Variants in ATP13A2 observed in about 807,000 individuals in gnomAD.
ATP13A2 encodes the protein polyamine-transporting ATPase 13A2.
In ATP13A2, 83 loss-of-function variants were observed where a neutral mutation model predicts 138.3. The observed-to-expected ratio is 0.60, with a 90% CI of 0.50 to 0.72. ATP13A2 has a LOEUF of 0.72. Ranked by LOEUF, ATP13A2 falls within the 30% of genes least tolerant of loss-of-function variation. The pLI, the probability that ATP13A2 is intolerant of heterozygous loss-of-function variation, is 0.00. For missense variants in ATP13A2, 1,402 were observed against 1,606.4 expected (o/e 0.87, Z 2.17); for synonymous variants, 663 against 699.0 (o/e 0.95, Z 0.81).
chr1:17,011,837 CG>C lies in ATP13A2; in HGVS notation c.-100del. On this transcript the variant is annotated 5_prime_UTR_variant, in exon 1 of 29. Transcript: ENST00000326735. This position sits in a 1 kb window ranked among gnomAD's most constrained non-coding sequence, Gnocchi z 7.3. ...GGGCGGGGGCGCGGTCCGGACGGCC[CG>C]GGGCGAGGGGCGCTGGGCTAGCGCG... 1 of 1,061,292 alleles carries C rather than the reference CG, an allele frequency of 9.4e-7. No individual in the cohort carries two copies. The highest frequency in any genetic ancestry group is 1.1e-6 in the Non-Finnish European group (1 of 877,332). 65.7% of individuals were successfully genotyped at this position (1,061,292 alleles called of 1,614,324 possible).
At chr1:17,001,183 C>A (rs1182557816) in intron 8 of ATP13A2, among the ~76,000 whole-genome samples, 1 of 149,450 alleles carries the variant, frequency 6.7e-6, no homozygotes, top group Non-Finnish European at 1.5e-5. Context: ...TTTGCAAGGC[C>A]GAGGCAGGTG....
At chr1:16,994,218 A>T (rs1015517666) in intron 15 of ATP13A2, among the ~76,000 whole-genome samples, 2 of 148,502 alleles carry the variant, frequency 1.3e-5, no homozygotes, top group South Asian at 2.1e-4. Flanking sequence ...TTATTTATTT[A>T]TTTATTTTTA....
chr1:16,989,355 G>C (rs923512268), intron 23 of ATP13A2, among the ~76,000 whole-genome samples: 2 of 152,288 alleles, frequency 1.3e-5, no homozygotes, highest in East Asian at 3.9e-4. Context: ...GGGATGACCG[G>C]TGTGTCACCA....
Position 16,996,064 on chromosome 1 carries a change from T to A in ATP13A2, c.1454A>T (p.Gln485Leu). ...AATGCCCTGTCTCCGCAGTCGGCTC[T>A]GGGCGTAGAGCGTGCACACAGTCAT... ...AAMTVCTLYA[Q>L]SRLRRQGIFC... Residue 485 changes from glutamine to leucine, a missense_variant, in exon 15 of 29, where the codon CAG becomes CTG. Transcript: ENST00000326735. The A allele has an allele frequency of 6.2e-7, 1 of 1,614,110 alleles. No individual in the cohort carries two copies. The highest frequency in any genetic ancestry group is 1.1e-5 in the South Asian group (1 of 91,088).
At position 17,005,466 on chromosome 1, in the gene ATP13A2, G is replaced by A. The variant is rs768327980; in HGVS notation, c.196C>T (p.Arg66Cys). The change falls in exon 3 of 29, where the codon CGT (arginine) becomes TGT (cysteine). Residue 66 changes from arginine (R) to cysteine (C), a missense_variant. By Grantham distance (180) the Arg-to-Cys change is radical (BLOSUM62 -3). Coordinates refer to ENST00000326735, the MANE Select transcript of ATP13A2 (RefSeq NM_022089.4). ...MMAGIPLLLF[R>C]WKPLWGVRLR... ...CGCACCCCCCACAGGGGCTTCCAACGGAAGAGCAGCAAAGGGATCCCAGCC... is the reference window on the plus strand; with the variant it reads ...CGCACCCCCCACAGGGGCTTCCAACAGAAGAGCAGCAAAGGGATCCCAGCC... 9.3e-6 allele frequency: 15 copies of A among 1,614,080 alleles called. No homozygotes were observed. Among genetic ancestry groups the A allele is most frequent in the African/African-American group, 6.7e-5 (5 of 74,956 alleles).
chr1:16,987,694 G>T (rs928269208), intron 25 of ATP13A2, among the ~76,000 whole-genome samples: 20 of 152,224 alleles, frequency 1.3e-4, no homozygotes, highest in Middle Eastern at 3.2e-3. Context: ...CTCATTCGCT[G>T]GGGGTGAGCA....
chr1:16,987,890 G>A (rs763613708), intron 25 of ATP13A2, among the ~76,000 whole-genome samples: 3 of 152,168 alleles, frequency 2.0e-5, no homozygotes, highest in Non-Finnish European at 4.4e-5. Context: ...CCAGAGTTGC[G>A]GTCAAGATGT....
At position 16,992,003 on chromosome 1, in the gene ATP13A2, G is replaced by C. The variant is rs1174417881; in HGVS notation, c.2126+6C>G. Reference sequence around the variant, plus strand: ...TCAGAGTGGGTGGGACAGGAGACAGGCCCACCTCGTCAGTTGCTGGGCTGC... The same window carrying C: ...TCAGAGTGGGTGGGACAGGAGACAGCCCCACCTCGTCAGTTGCTGGGCTGC... On this transcript the variant is annotated splice_donor_region_variant and intron_variant, in intron 19 of 28. Transcript: ENST00000326735. 1 of 1,611,882 alleles carries C rather than the reference G, an allele frequency of 6.2e-7. No individual in the cohort carries two copies. The highest frequency in any genetic ancestry group is 1.3e-5 in the African/African-American group (1 of 74,920).
At chr1:17,000,193 T>TTGGGC in intron 10 of ATP13A2, 51 bp from the exon 11 acceptor site, 1 of 1,547,706 alleles carries the variant, frequency 6.5e-7, no homozygotes, top group Non-Finnish European at 8.8e-7. Context: ...GCCCCAGCCA[T>TTGGGC]GCCCCCCCAC....
chr1:16,987,815 G>A (rs556771479), intron 25 of ATP13A2, among the ~76,000 whole-genome samples: 126 of 152,338 alleles, frequency 8.3e-4, no homozygotes, highest in Non-Finnish European at 1.0e-3. Context: ...GACCTGTGGG[G>A]ATGGGGCGGG....
intron 1 of ATP13A2, among the ~76,000 whole-genome samples, chr1:17,007,889 C>G (rs1269154818): frequency 6.6e-6 from 1 of 151,710 alleles, no homozygotes; most frequent in African/African-American, 2.4e-5. Context: ...TCCAGAGTGC[C>G]CCAGGCAGCT....
chr1:17,004,222 C>T lies in ATP13A2; in HGVS notation c.557+110G>A. 1 of 1,188,428 alleles carries T rather than the reference C, an allele frequency of 8.4e-7. No homozygotes were observed. The highest frequency in any genetic ancestry group is 1.2e-6 in the Non-Finnish European group (1 of 817,326). The allele number at this position is 1,188,428 out of a possible 1,614,324, so 73.6% of individuals were successfully genotyped here. On this transcript the variant is annotated intron_variant, in intron 6 of 28. Transcript: ENST00000326735. The surrounding 1 kb of genome is among the most constrained non-coding windows in gnomAD (Gnocchi z 4.1). Reference sequence around the variant, plus strand: ...GTAACCTGCCCAAGGTTTCAGACAGCAAAAGCATCAGAGCTGAGAGGGGAG... The same window carrying T: ...GTAACCTGCCCAAGGTTTCAGACAGTAAAAGCATCAGAGCTGAGAGGGGAG...
In ATP13A2 at chr1:17,002,336, G is replaced by A. The variant is rs754074592; in HGVS notation, c.595C>T (p.Arg199Cys). The change falls in exon 7 of 29, where the codon CGC becomes TGC. Residue 199 changes from arginine to cysteine, a missense_variant. Physicochemically the swap from Arg to Cys is radical, Grantham distance 180 (BLOSUM62 -3). Coordinates refer to ENST00000326735, the MANE Select transcript of ATP13A2 (RefSeq NM_022089.4). Reference protein sequence around the residue: ...DHGRSCDDVHRSRHGLSLQDQ... With the variant: ...DHGRSCDDVHCSRHGLSLQDQ... ...TGGAGGCTGAGGCCATGGCGGGAGC[G>A]GTGGACGTCGTCACAAGAGCGGCCA... The A allele has an allele frequency of 4.4e-5, 71 of 1,613,178 alleles. No individual in the cohort carries two copies. Among genetic ancestry groups the A allele is most frequent in the Middle Eastern group, 1.6e-4 (1 of 6,082 alleles).
chr1:17,006,184 G>C (rs1024100042), intron 1 of ATP13A2, among the ~76,000 whole-genome samples: 4 of 148,518 alleles, frequency 2.7e-5, no homozygotes, highest in Non-Finnish European at 6.0e-5. Flanking sequence ...TGGTCTGACA[G>C]AGCCCAAAGC....
chr1:17,000,702 G>C, intron 8 of ATP13A2, 168 bp from the exon 9 acceptor site: 2 of 851,498 alleles, frequency 2.3e-6, no homozygotes, highest in South Asian at 3.6e-5. Context: ...ACATCCCCAG[G>C]GCCCTCAGTT....
In ATP13A2 at chr1:17,004,275, G is replaced by A; in HGVS notation, c.557+57C>T. ...CAGGCCATGCCATGCCACCGTCTGT[G>A]CCCAAACCAGTGCCACTCTGGGAGG... On this transcript the variant is annotated intron_variant, in intron 6 of 28. Transcript: ENST00000326735. This position sits in a 1 kb window ranked among gnomAD's most constrained non-coding sequence, Gnocchi z 4.1. 7 of 1,562,840 alleles carry A rather than the reference G, an allele frequency of 4.5e-6. No individual in the cohort carries two copies. The highest frequency in any genetic ancestry group is 6.1e-6 in the Non-Finnish European group (7 of 1,141,984).
rs1046265959 is a variant in ATP13A2 at position 17,002,430 on chromosome 1, C to T, written c.558-57G>A. ...CCATGGGGCCTGAGGTCTGCATCCCCCACCCTGTGCAGGCTGGAGACTATG... is the reference window on the plus strand; with the variant it reads ...CCATGGGGCCTGAGGTCTGCATCCCTCACCCTGTGCAGGCTGGAGACTATG... On this transcript the variant is annotated intron_variant, in intron 6 of 28. Coordinates refer to ENST00000326735, the MANE Select transcript of ATP13A2 (RefSeq NM_022089.4). 10 of 1,571,996 alleles carry T rather than the reference C, an allele frequency of 6.4e-6. No homozygotes were observed. The African/African-American group carries it at 8.1e-5, about 13-fold the overall frequency.
intron 15 of ATP13A2, 96 bp from the exon 16 acceptor site, chr1:16,993,931 G>T: frequency 9.7e-7 from 1 of 1,028,500 alleles, no homozygotes; most frequent in Non-Finnish European, 1.4e-6. Context: ...GGACCCTATG[G>T]GAACCCCAGG....
At chr1:16,987,353 C>G (rs1279692031) in intron 25 of ATP13A2, 84 bp from the exon 26 acceptor site, 8 of 1,318,702 alleles carry the variant, frequency 6.1e-6, no homozygotes, top group Non-Finnish European at 8.6e-6. Context: ...CCCACCCCTG[C>G]CCCGAAGGAA....
Sources: allele counts gnomAD v4.1 joint callset (sites outside exome capture counted in the v4.1 genomes callset), GRCh38; gene constraint gnomAD v4.1.1; non-coding constraint Gnocchi (gnomAD v3.1); transcripts MANE v1.5; gene names NCBI Gene and HGNC (gene_info 2026-07-23, HGNC 2026-07-21).